Variants in SEMA6D observed in about 807,000 individuals in gnomAD.
The protein encoded by SEMA6D is semaphorin-6D.
A neutral mutation model predicts 106.6 loss-of-function variants in SEMA6D; 35 were observed. The observed-to-expected ratio is 0.33, with a 90% confidence interval of 0.25 to 0.44. The LOEUF (loss-of-function observed/expected upper bound fraction) is 0.44, where lower values mean the gene tolerates loss of function less well. SEMA6D is among the 20% of genes least tolerant of loss of function. SEMA6D has a pLI of 1.00. For missense variants in SEMA6D, 1,185 were observed against 1,345.9 expected, an observed-to-expected ratio of 0.88 and a Z score of 1.87; for synonymous variants, 499 against 487.7, an observed-to-expected ratio of 1.02 and a Z score of -0.31.
intron 1 of SEMA6D, among the ~76,000 whole-genome samples, chr15:47,359,006 A>G (rs1489610657): frequency 1.3e-5 from 2 of 152,014 alleles, no homozygotes; most frequent in African/African-American, 2.4e-5. Context: ...CTTCCTGACC[A>G]TACTTGATCT....
chr15:47,510,212 T>C (rs2141762894), intron 3 of SEMA6D, among the ~76,000 whole-genome samples: 1 of 152,286 alleles, frequency 6.6e-6, no homozygotes, highest in East Asian at 1.9e-4. Context: ...GCTGTGTCAT[T>C]AGATTCTCAT....
chr15:47,352,445 C>T (rs2038362531), intron 1 of SEMA6D, among the ~76,000 whole-genome samples: 1 of 152,156 alleles, frequency 6.6e-6, no homozygotes, highest in South Asian at 2.1e-4. Context: ...GCCTTGAATA[C>T]ACACTGTTAT....
chr15:47,383,081 A>G lies in SEMA6D; in HGVS notation c.-238-29312A>G, dbSNP rs554989710. On this transcript the variant is annotated intron_variant, in intron 1 of 19. Transcript: ENST00000558014. ...ACCTGGTCCTAATTTTTGTCCCTCA[A>G]AATGATCCAGGGAACTTCCCTTTGT... Among the ~76,000 whole-genome samples, 25 of 152,284 alleles carry G rather than the reference A, an allele frequency of 1.6e-4. No individual in the cohort carries two copies. The South Asian group carries it at 3.3e-3, about 20-fold the overall frequency.
intron 4 of SEMA6D, among the ~76,000 whole-genome samples, chr15:47,684,511 T>G (rs1413078368): frequency 1.3e-5 from 2 of 152,160 alleles, no homozygotes; most frequent in African/African-American, 4.8e-5. Flanking sequence ...AGAGACATGA[T>G]ATAGAATGTA....
chr15:47,440,540 C>CA (rs953365990), intron 2 of SEMA6D, among the ~76,000 whole-genome samples: 1 of 151,914 alleles, frequency 6.6e-6, no homozygotes, highest in African/African-American at 2.4e-5. Flanking sequence ...ACAAGACCCC[C>CA]AGCTAAACTT....
chr15:47,403,240 G>C (rs976176323), intron 1 of SEMA6D, among the ~76,000 whole-genome samples: 4 of 152,090 alleles, frequency 2.6e-5, no homozygotes, highest in African/African-American at 7.2e-5. Flanking sequence ...ACCAGTAAAT[G>C]CACAACTCTT....
intron 3 of SEMA6D, among the ~76,000 whole-genome samples, chr15:47,479,965 G>A (rs988355354): frequency 2.0e-5 from 3 of 146,800 alleles, no homozygotes; most frequent in East Asian, 2.0e-4. Flanking sequence ...ACCTGGACTC[G>A]AGCAATCCTC....
intron 1 of SEMA6D, among the ~76,000 whole-genome samples, chr15:47,337,329 CAA>C (rs954671394): frequency 6.6e-6 from 1 of 151,978 alleles, no homozygotes; most frequent in South Asian, 2.1e-4. Flanking sequence ...TGTTTATCAG[CAA>C]AAAAGAGAAC....
chr15:47,237,484 A>G (rs1377131462), intron 1 of SEMA6D, among the ~76,000 whole-genome samples: 1 of 152,092 alleles, frequency 6.6e-6, no homozygotes, highest in African/African-American at 2.4e-5. Context: ...GGCAAGAAGT[A>G]GTGTACAATG....
At position 47,730,999 on chromosome 15, in the gene SEMA6D, C is replaced by T. The variant is rs1473081446; in HGVS notation, c.-55+13307C>T. ...ATTACCTAAGCAGTACAATCAAATA[C>T]CATGCTGATTTTAGAAAATATTAAT... On this transcript the variant is annotated intron_variant, in intron 1 of 18. Coordinates refer to ENST00000536845, the MANE Select transcript of SEMA6D (RefSeq NM_001358351.3). The T allele has an allele frequency of 4.9e-6, 3 of 613,806 alleles. No individual in the cohort carries two copies. In the Admixed American group the frequency reaches 8.6e-5, roughly 18 times the overall value. The allele number at this position is 613,806 out of a possible 1,614,324, so 38.0% of individuals were successfully genotyped here. A position where few individuals can be genotyped will look rare whatever the true frequency, so the allele number is the denominator to read the frequency against.
At chr15:47,442,163 A>G (rs934055213) in intron 2 of SEMA6D, among the ~76,000 whole-genome samples, 5 of 152,074 alleles carry the variant, frequency 3.3e-5, no homozygotes, top group Non-Finnish European at 7.4e-5. Flanking sequence ...ATTTCCACTC[A>G]AGTGTTTAAA....
intron 4 of SEMA6D, among the ~76,000 whole-genome samples, chr15:47,638,908 A>G (rs533955294): frequency 1.3e-5 from 2 of 152,332 alleles, no homozygotes; most frequent in South Asian, 2.1e-4. Flanking sequence ...AAAATGTAGC[A>G]CTTGGTCTCA....
chr15:47,285,412 AGAG>A (rs2035314261), intron 1 of SEMA6D, among the ~76,000 whole-genome samples: 1 of 152,038 alleles, frequency 6.6e-6, no homozygotes, highest in South Asian at 2.1e-4. Flanking sequence ...ACTTTATTGG[AGAG>A]GAGTTCACAG....
intron 1 of SEMA6D, among the ~76,000 whole-genome samples, chr15:47,187,854 C>G (rs1046364758): frequency 6.6e-6 from 1 of 152,002 alleles, no homozygotes; most frequent in African/African-American, 2.4e-5. Context: ...TTTATTAAAC[C>G]TGGAGTCAGG....
intron 1 of SEMA6D, among the ~76,000 whole-genome samples, chr15:47,293,062 A>G (rs907189357): frequency 2.6e-5 from 4 of 152,200 alleles, no homozygotes; most frequent in African/African-American, 7.2e-5. Context: ...GAATGACTCA[A>G]TTCTTGGAAA....
chr15:47,552,851 TAA>T (rs1198893656), intron 3 of SEMA6D, among the ~76,000 whole-genome samples: 11 of 76,408 alleles, frequency 1.4e-4, no homozygotes, highest in African/African-American at 6.5e-4. Flanking sequence ...TAAATATATA[TAA>T]ATATATATAT....
chr15:47,450,318 T>C (rs991740898), intron 2 of SEMA6D, among the ~76,000 whole-genome samples: 1 of 152,124 alleles, frequency 6.6e-6, no homozygotes, highest in Non-Finnish European at 1.5e-5. Context: ...TATGATGTGC[T>C]AGATGATACT....
chr15:47,555,791 A>G (rs2045899641), intron 3 of SEMA6D, among the ~76,000 whole-genome samples: 2 of 152,194 alleles, frequency 1.3e-5, no homozygotes, highest in South Asian at 2.1e-4. Context: ...GCATGATGTA[A>G]TAGGTGATGA....
chr15:47,432,203 A>C (rs1015871843), intron 2 of SEMA6D, among the ~76,000 whole-genome samples: 6 of 152,162 alleles, frequency 3.9e-5, no homozygotes, highest in Non-Finnish European at 5.9e-5. Context: ...CAGGTCAGAC[A>C]ATGTCCATGC....
Sources: gnomAD v4.1 joint callset for allele counts (sites outside exome capture counted in the v4.1 genomes callset) on GRCh38, gnomAD v4.1.1 for gene constraint, MANE v1.5 for transcripts, NCBI Gene and HGNC (gene_info 2026-07-23, HGNC 2026-07-21) for gene names.